VPS13D: variants seen among roughly 807,000 people sequenced by gnomAD.
VPS13D encodes vacuolar protein sorting 13 homolog D.
Under a neutral mutation model 461.9 loss-of-function variants are expected in VPS13D, and 187 were observed. The observed-to-expected ratio is 0.40, with a 90% confidence interval of 0.36 to 0.46. The LOEUF (loss-of-function observed/expected upper bound fraction) is 0.46. Ranked by LOEUF, VPS13D falls within the 20% of genes least tolerant of loss-of-function variation. The pLI is 0.60. For missense variants in VPS13D, 4,711 were observed against 5,364.9 expected (o/e 0.88, Z 3.81); for synonymous variants, 1,951 against 1,986.3 (o/e 0.98, Z 0.47).
intron 8 of VPS13D, 109 bp downstream of exon 8, chr1:12,256,612 T>C (rs1331107565): frequency 5.5e-6 from 7 of 1,267,286 alleles, no homozygotes; most frequent in Non-Finnish European, 5.5e-6. Flanking sequence ...TGTGAGACCA[T>C]TTCCCTCCAG....
chr1:12,493,209 C>T, intron 67 of VPS13D, among the ~76,000 whole-genome samples: 1 of 150,118 alleles, frequency 6.7e-6, no homozygotes, highest in Non-Finnish European at 1.5e-5. Context: ...AAAGGACTGG[C>T]CGGGTGCGGT....
rs1645137258 is a variant in VPS13D at position 12,441,975 on chromosome 1, GTCATGTA to G, written c.12334-14021_12334-14015del. On this transcript the variant is annotated intron_variant, in intron 65 of 69. Transcript: ENST00000620676. ...TTTTCCTATCTTTTTTGCTGTTATTGTCATGTATTTTAGTTCTACTTATATTATGCTT... is the reference window on the plus strand; with the variant it reads ...TTTTCCTATCTTTTTTGCTGTTATTGTTTTAGTTCTACTTATATTATGCTT... 2.0e-5 allele frequency among the ~76,000 whole-genome samples: 3 copies of G among 151,624 alleles called. No homozygotes were observed. In the South Asian group the frequency reaches 6.2e-4, roughly 32 times the overall value.
chr1:12,262,592 C>T (rs1641144645), intron 13 of VPS13D, among the ~76,000 whole-genome samples: 3 of 152,188 alleles, frequency 2.0e-5, no homozygotes, highest in South Asian at 4.1e-4. Context: ...GATGATTTTG[C>T]CTACCTTTAG....
chr1:12,247,638 G>A (rs1211899353), intron 5 of VPS13D, among the ~76,000 whole-genome samples: 3 of 151,420 alleles, frequency 2.0e-5, no homozygotes, highest in Non-Finnish European at 2.9e-5. Context: ...ATATTTTTCC[G>A]TGTATTTACT....
At chr1:12,467,844 G>T (rs186106826) in intron 67 of VPS13D, among the ~76,000 whole-genome samples, 1 of 151,896 alleles carries the variant, frequency 6.6e-6, no homozygotes, top group South Asian at 2.1e-4. Context: ...AAAGGAGAGC[G>T]TCTAATTTTT....
chr1:12,282,613 A>AC, intron 20 of VPS13D, 92 bp from the exon 21 acceptor site: 1 of 1,215,980 alleles, frequency 8.2e-7, no homozygotes, highest in Non-Finnish European at 1.2e-6. Context: ...AGCCTCATGT[A>AC]GGAATCATGT....
chr1:12,297,138 A>C (rs192878022), intron 24 of VPS13D, among the ~76,000 whole-genome samples: 134 of 152,258 alleles, frequency 8.8e-4, no homozygotes, highest in African/African-American at 3.1e-3. Context: ...ATTTTGTTTG[A>C]AATTTAAATT....
intron 60 of VPS13D, among the ~76,000 whole-genome samples, chr1:12,399,140 A>T (rs569974395): frequency 1.3e-5 from 2 of 152,068 alleles, no homozygotes; most frequent in South Asian, 4.2e-4. Flanking sequence ...TTTTAATTAA[A>T]TTTTTTGTTT....
At chr1:12,406,796 A>G (rs182178659) in intron 63 of VPS13D, among the ~76,000 whole-genome samples, 24 of 152,324 alleles carry the variant, frequency 1.6e-4, no homozygotes, top group African/African-American at 4.3e-4. Flanking sequence ...TTAAAGATCA[A>G]AAGAGGCCAG....
chr1:12,404,612 G>T (rs1050268083), intron 63 of VPS13D, among the ~76,000 whole-genome samples: 1 of 152,150 alleles, frequency 6.6e-6, no homozygotes, highest in African/African-American at 2.4e-5. Flanking sequence ...AAGGAAGAAA[G>T]CTGGGATTCA....
In VPS13D at chr1:12,314,234, G is replaced by C; in HGVS notation, c.7055G>C (p.Ser2352Thr). The C allele has an allele frequency of 6.2e-7, 1 of 1,614,170 alleles. No homozygotes were observed. The highest frequency in any genetic ancestry group is 8.5e-7 in the Non-Finnish European group (1 of 1,180,022). The change falls in exon 30 of 70, where the codon AGC becomes ACC. Residue 2352 changes from serine (S) to threonine (T), a missense_variant. Physicochemically the swap from Ser to Thr is moderately conservative, Grantham distance 58 (BLOSUM62 1). This residue lies in a region of VPS13D where 4,411 missense variants were observed against 4,937.8 expected (regional missense o/e 0.89). Transcript: ENST00000620676. ...FDTRYAGQKT[S>T]PGMTNVFSCI... ...ACCCGTTATGCTGGGCAGAAGACCA[G>C]CCCTGGCATGACGAATGTGTTCAGC...
At chr1:12,320,400 C>T (rs529481607) in intron 32 of VPS13D, among the ~76,000 whole-genome samples, 1 of 152,286 alleles carries the variant, frequency 6.6e-6, no homozygotes, top group Admixed American at 6.5e-5. Context: ...GATATTTGGT[C>T]GGGGTTCCTT....
In VPS13D at chr1:12,322,677, C is replaced by T. The variant is rs1484671515; in HGVS notation, c.7846C>T (p.Leu2616Phe). The T allele has an allele frequency of 1.9e-6, 3 of 1,614,222 alleles. No homozygotes were observed. The highest frequency in any genetic ancestry group is 2.2e-5 in the South Asian group (2 of 91,078). ...GGAGTCAGACTCCGTTGGCACTTAC[C>T]TTCCAGGTGCATCTCGCGTTGGAGA... ...ALESDSVGTY[L>F]PGASRVGEEI... The change falls in exon 34 of 70, where the codon CTT becomes TTT. Residue 2616 changes from leucine (L) to phenylalanine (F), a missense_variant. Leu to Phe is a conservative substitution (Grantham distance 22). Transcript: ENST00000620676.
At position 12,274,606 on chromosome 1, in the gene VPS13D, C is replaced by T. The variant is rs939796157; in HGVS notation, c.2237-1219C>T. Among the ~76,000 whole-genome samples, 15 of 152,296 alleles carry T rather than the reference C, an allele frequency of 9.8e-5. No individual in the cohort carries two copies. The East Asian group carries it at 1.5e-3, about 16-fold the overall frequency. ...GGATTGCAGGTGTGAGCCACGATGC[C>T]CAGCCCCAGTGGTGTATTTTTATAG... On this transcript the variant is annotated intron_variant, in intron 18 of 69. Transcript: ENST00000620676.
At position 12,321,865 on chromosome 1, in the gene VPS13D, C is replaced by T. The variant is rs534246564; in HGVS notation, c.7605C>T (p.Pro2535=). Residue 2535 remains proline (P), a synonymous_variant, in exon 33 of 70, where the codon CCC becomes CCT. Transcript: ENST00000620676. ...ATACAGCTCTTTCAATTGTGGATCC[C>T]GTACAAATTCAAATGGAGTTGGTGG... ...EHDTALSIVD[P]VQIQMELVGN... 2.4e-5 allele frequency: 39 copies of T among 1,612,784 alleles called. No homozygotes were observed. Among genetic ancestry groups the T allele is most frequent in the Middle Eastern group, 1.7e-4 (1 of 6,056 alleles).
intron 17 of VPS13D, 108 bp downstream of exon 17, chr1:12,271,232 A>C (rs1466805091): frequency 7.5e-7 from 1 of 1,327,556 alleles, no homozygotes; most frequent in African/African-American, 1.5e-5. Context: ...AATTATGCTG[A>C]CTGAGTAAAC....
At chr1:12,467,150 A>G (rs1008000868) in intron 67 of VPS13D, among the ~76,000 whole-genome samples, 1 of 152,096 alleles carries the variant, frequency 6.6e-6, no homozygotes, top group African/African-American at 2.4e-5. Flanking sequence ...AATTAAGCTG[A>G]TGAAATTATA....
At chr1:12,293,484 C>T (rs1343004206) in intron 23 of VPS13D, 40 bp from the exon 24 acceptor site, 1 of 1,536,784 alleles carries the variant, frequency 6.5e-7, no homozygotes, top group Non-Finnish European at 8.8e-7. Flanking sequence ...TAACTTGTGT[C>T]TTGCTGTTAT....
chr1:12,362,985 G>A, intron 51 of VPS13D, 87 bp from the exon 52 acceptor site: 1 of 1,581,966 alleles, frequency 6.3e-7, no homozygotes, highest in Non-Finnish European at 8.6e-7. Flanking sequence ...GCTCCTGTTA[G>A]AGGGTAAGGC....
Sources: gnomAD v4.1 joint callset for allele counts (sites outside exome capture counted in the v4.1 genomes callset) on GRCh38, gnomAD v4.1.1 for gene constraint, gnomAD v4.1.1 regional missense constraint, MANE v1.5 for transcripts, NCBI Gene and HGNC (gene_info 2026-07-23, HGNC 2026-07-21) for gene names.